Variants in CDH7 observed in about 807,000 individuals in gnomAD.
CDH7 encodes cadherin-7.
CDH7 carries 25 observed loss-of-function variants against 71.8 expected under a neutral mutation model. The ratio of observed to expected loss-of-function variants is 0.35; its 90% CI spans 0.25 to 0.49. The LOEUF (loss-of-function observed/expected upper bound fraction) is 0.49, where lower values mean the gene tolerates loss of function less well. Ranked by LOEUF, CDH7 falls within the 20% of genes least tolerant of loss-of-function variation. The pLI is 0.99. For missense variants in CDH7, 862 were observed against 974.6 expected (o/e 0.88, Z 1.54); for synonymous variants, 381 against 363.8 (o/e 1.05, Z -0.54).
chr18:65,812,630 C>G (rs1167243440), intron 3 of CDH7, among the ~76,000 whole-genome samples: 2 of 152,108 alleles, frequency 1.3e-5, no homozygotes, highest in African/African-American at 2.4e-5. Context: ...CTTTAGGATA[C>G]TTTATTTATT....
intron 7 of CDH7, among the ~76,000 whole-genome samples, chr18:65,846,195 A>C (rs560904551): frequency 6.6e-6 from 1 of 152,230 alleles, no homozygotes; most frequent in East Asian, 1.9e-4. Flanking sequence ...TAGTGACTAG[A>C]GAGAGATGAA....
chr18:65,843,732 T>C (rs1912819452), intron 6 of CDH7, 80 bp from the exon 7 acceptor site: 1 of 1,301,132 alleles, frequency 7.7e-7, no homozygotes, highest in Admixed American at 2.6e-5. Flanking sequence ...CCTAAGCTTA[T>C]TGACATTCAT....
intron 7 of CDH7, among the ~76,000 whole-genome samples, chr18:65,850,041 G>C (rs1018463988): frequency 2.1e-4 from 32 of 151,494 alleles, no homozygotes; most frequent in Non-Finnish European, 4.1e-4. Context: ...GTGCATGCCT[G>C]TAATCCCAGC....
chr18:65,785,631 G>GA (rs1177657560), intron 2 of CDH7, among the ~76,000 whole-genome samples: 1 of 151,658 alleles, frequency 6.6e-6, no homozygotes, highest in Non-Finnish European at 1.5e-5. Context: ...ACAAAACAAT[G>GA]AAAAAATATC....
chr18:65,766,688 GT>G (rs945148271), intron 2 of CDH7, among the ~76,000 whole-genome samples: 2 of 151,674 alleles, frequency 1.3e-5, no homozygotes, highest in Admixed American at 1.3e-4. Context: ...CTGTTTTCTT[GT>G]TTTTATATGG....
At chr18:65,839,269 T>C (rs1912642830) in intron 6 of CDH7, among the ~76,000 whole-genome samples, 2 of 152,224 alleles carry the variant, frequency 1.3e-5, no homozygotes, top group Admixed American at 1.3e-4. Flanking sequence ...AATATTTATT[T>C]CTCACAGCTG....
intron 6 of CDH7, among the ~76,000 whole-genome samples, chr18:65,835,580 T>C (rs193012654): frequency 6.6e-6 from 1 of 152,348 alleles, no homozygotes; most frequent in East Asian, 1.9e-4. Context: ...ATGTGGATTC[T>C]GCTTCCCAGA....
intron 3 of CDH7, among the ~76,000 whole-genome samples, chr18:65,811,897 T>G (rs186364352): frequency 6.6e-6 from 1 of 151,554 alleles, no homozygotes; most frequent in East Asian, 1.9e-4. Context: ...ATAAGTTAAA[T>G]AAATTATATT....
intron 2 of CDH7, among the ~76,000 whole-genome samples, chr18:65,793,202 G>A (rs1430119299): frequency 6.6e-6 from 1 of 152,070 alleles, no homozygotes; most frequent in Admixed American, 6.5e-5. Context: ...CACTTTGGGA[G>A]GCTGAGGTGG....
At chr18:65,800,617 A>G (rs1314925503) in intron 2 of CDH7, among the ~76,000 whole-genome samples, 1 of 152,176 alleles carries the variant, frequency 6.6e-6, no homozygotes, top group Non-Finnish European at 1.5e-5. Context: ...CCTACATACT[A>G]AATTTCACAA....
chr18:65,865,366 T>C (rs181510872), intron 11 of CDH7: 1 of 152,190 alleles, frequency 6.6e-6, no homozygotes, highest in Non-Finnish European at 1.5e-5. Context: ...AAAATTTAAG[T>C]ATGGCTACTC....
intron 6 of CDH7, among the ~76,000 whole-genome samples, chr18:65,838,620 C>A (rs913906833): frequency 6.6e-6 from 1 of 151,956 alleles, no homozygotes; most frequent in Admixed American, 6.6e-5. Flanking sequence ...GCTAAAGGTG[C>A]GAGATATATA....
chr18:65,818,705 C>G (rs755524711), intron 4 of CDH7, among the ~76,000 whole-genome samples: 22 of 152,280 alleles, frequency 1.4e-4, no homozygotes, highest in Non-Finnish European at 2.8e-4. Flanking sequence ...ATCTATTATT[C>G]TCATTCACTA....
chr18:65,776,293 T>A (rs1364172326), intron 2 of CDH7, among the ~76,000 whole-genome samples: 2 of 149,016 alleles, frequency 1.3e-5, no homozygotes, highest in African/African-American at 2.5e-5. Flanking sequence ...GTTTACATAT[T>A]CAGAATCAAA....
intron 3 of CDH7, among the ~76,000 whole-genome samples, chr18:65,813,731 A>G (rs1379515476): frequency 6.6e-6 from 1 of 152,088 alleles, no homozygotes. Flanking sequence ...TTCCAAATGG[A>G]AAAAAAGGAA....
intron 7 of CDH7, among the ~76,000 whole-genome samples, chr18:65,846,264 G>A (rs182087436): frequency 6.6e-6 from 1 of 152,082 alleles, no homozygotes; most frequent in Admixed American, 6.6e-5. Context: ...TCTGATTTTG[G>A]AAGTAAAAAT....
At chr18:65,757,680 C>A (rs1167476549) in intron 1 of CDH7, among the ~76,000 whole-genome samples, 1 of 152,110 alleles carries the variant, frequency 6.6e-6, no homozygotes, top group East Asian at 1.9e-4. Context: ...CTGTGCCCTT[C>A]TCTCCTCAGA....
intron 2 of CDH7, among the ~76,000 whole-genome samples, chr18:65,766,476 A>C (rs1183484382): frequency 3.3e-5 from 5 of 152,110 alleles, no homozygotes; most frequent in Non-Finnish European, 7.4e-5. Flanking sequence ...ACCCTTACTC[A>C]GGAACCACCC....
At chr18:65,799,998 G>A (rs914127081) in intron 2 of CDH7, among the ~76,000 whole-genome samples, 4 of 152,110 alleles carry the variant, frequency 2.6e-5, no homozygotes, top group East Asian at 3.9e-4. Context: ...TTACAGAAAG[G>A]ACAGTTCCCT....
Sources: allele counts gnomAD v4.1 joint callset (sites outside exome capture counted in the v4.1 genomes callset), GRCh38; gene constraint gnomAD v4.1.1; transcripts MANE v1.5; gene names NCBI Gene and HGNC (gene_info 2026-07-23, HGNC 2026-07-21).